KLRG1: variants seen among roughly 807,000 people sequenced by gnomAD.
The protein encoded by KLRG1 is killer cell lectin-like receptor subfamily G member 1.
In KLRG1, 16 loss-of-function variants were observed where a neutral mutation model predicts 21.8. The observed-to-expected ratio is 0.73, with a 90% CI of 0.50 to 1.11. The LOEUF is 1.11. Among genes scored for constraint, KLRG1 ranks in the 50% most tolerant of loss-of-function variants. KLRG1 has a pLI of 0.00. For missense variants in KLRG1, 173 were observed against 218.3 expected (o/e 0.79, Z 1.31); for synonymous variants, 69 against 75.9 (o/e 0.91, Z 0.47).
At chr12:8,993,455 A>G (rs189511436) in intron 2 of KLRG1, among the ~76,000 whole-genome samples, 5 of 151,726 alleles carry the variant, frequency 3.3e-5, no homozygotes, top group African/African-American at 1.2e-4. Flanking sequence ...CGCCCAGCTA[A>G]TTTTTTGTAT....
At chr12:9,149,724 A>G in the KLRG1 span, 10 of 775,402 alleles carry the variant, frequency 1.3e-5, no homozygotes, top group East Asian at 1.8e-4. Context: ...TCAAAACTTC[A>G]TGTAAATAGA....
the KLRG1 span, chr12:9,196,697 A>G: frequency 1.3e-6 from 2 of 1,549,484 alleles, no homozygotes; most frequent in Non-Finnish European, 1.8e-6. Flanking sequence ...TGAGAAAAAT[A>G]CCAAAACCAA....
the KLRG1 span, chr12:9,091,084 A>T: frequency 7.9e-7 from 1 of 1,272,816 alleles, no homozygotes; most frequent in Non-Finnish European, 1.1e-6. Context: ...TAACTTTTAC[A>T]ATCATGAATA....
chr12:9,087,823 G>T, the KLRG1 span, among the ~76,000 whole-genome samples: 1 of 151,976 alleles, frequency 6.6e-6, no homozygotes, highest in Non-Finnish European at 1.5e-5. Context: ...ACAAAACTAT[G>T]CATATCTATG....
At chr12:9,030,272 T>G in the KLRG1 span, among the ~76,000 whole-genome samples, 1 of 152,180 alleles carries the variant, frequency 6.6e-6, no homozygotes, top group African/African-American at 2.4e-5. Flanking sequence ...AGCTATTTTT[T>G]GGGTATTGTT....
chr12:9,192,665 A>G, the KLRG1 span: 1 of 1,614,094 alleles, frequency 6.2e-7, no homozygotes, highest in Non-Finnish European at 8.5e-7. Context: ...CACGATTTGC[A>G]GTGTGCTGAG....
At chr12:9,196,235 C>A in the KLRG1 span, 1 of 768,488 alleles carries the variant, frequency 1.3e-6, no homozygotes, top group Non-Finnish European at 2.1e-6. Flanking sequence ...TATTAATTAA[C>A]TGATAACACT....
the KLRG1 span, chr12:9,200,917 C>T: frequency 6.2e-7 from 1 of 1,613,838 alleles, no homozygotes; most frequent in Non-Finnish European, 8.5e-7. Flanking sequence ...TGAAGGGGTG[C>T]TGTATCCTTC....
chr12:8,988,586 GT>G (rs1315403539), upstream of KLRG1, among the ~76,000 whole-genome samples: 3 of 151,208 alleles, frequency 2.0e-5, no homozygotes, highest in Non-Finnish European at 4.4e-5. Flanking sequence ...TTTAACTTTT[GT>G]TTTTTTTAGA....
the KLRG1 span, among the ~76,000 whole-genome samples, chr12:9,094,349 A>ATG: frequency 7.1e-6 from 1 of 140,678 alleles, no homozygotes; most frequent in Non-Finnish European, 1.5e-5. Flanking sequence ...GCATATATAT[A>ATG]TATATATATA....
the KLRG1 span, among the ~76,000 whole-genome samples, chr12:9,082,991 C>A: frequency 6.6e-6 from 1 of 152,204 alleles, no homozygotes; most frequent in African/African-American, 2.4e-5. Flanking sequence ...GAGGAATCGC[C>A]ACATTGACTT....
the KLRG1 span, chr12:9,200,509 A>C: frequency 7.7e-7 from 1 of 1,291,648 alleles, no homozygotes; most frequent in South Asian, 1.3e-5. Context: ...AATACAAATA[A>C]TTTCAGTATG....
the KLRG1 span, among the ~76,000 whole-genome samples, chr12:9,104,729 CT>C: frequency 6.6e-6 from 1 of 152,146 alleles, no homozygotes; most frequent in Admixed American, 6.6e-5. Flanking sequence ...TTTGGAAGTG[CT>C]GTGTATTATT....
At chr12:9,096,110 C>T in the KLRG1 span, among the ~76,000 whole-genome samples, 2 of 152,172 alleles carry the variant, frequency 1.3e-5, no homozygotes, top group South Asian at 2.1e-4. Context: ...AATGAACATC[C>T]GTCTTTCTTT....
the KLRG1 span, chr12:9,208,468 T>TA: frequency 7.0e-4 from 474 of 675,276 alleles, 1 homozygote; most frequent in Non-Finnish European, 1.5e-4. Context: ...GGCCTCTGAA[T>TA]AGAGTTCAGA....
At chr12:9,100,584 C>T in the KLRG1 span, among the ~76,000 whole-genome samples, 4 of 151,874 alleles carry the variant, frequency 2.6e-5, no homozygotes, top group Admixed American at 2.6e-4. Flanking sequence ...TGGCCCACAC[C>T]AATATTTTAA....
chr12:9,097,096 G>A, the KLRG1 span, among the ~76,000 whole-genome samples: 1 of 152,060 alleles, frequency 6.6e-6, no homozygotes, highest in Non-Finnish European at 1.5e-5. Flanking sequence ...ACCCATCAGG[G>A]TTGTTATAAT....
the KLRG1 span, chr12:9,109,841 G>T: frequency 6.4e-7 from 1 of 1,563,882 alleles, no homozygotes; most frequent in Non-Finnish European, 8.6e-7. Context: ...GAAAAATAAT[G>T]CTTGATGACT....
At chr12:9,004,874 T>C in intron 3 of KLRG1, among the ~76,000 whole-genome samples, 1 of 152,212 alleles carries the variant, frequency 6.6e-6, no homozygotes, top group East Asian at 1.9e-4. Context: ...ATTTTATTTA[T>C]TATTTTTAAG....
Sources: gnomAD v4.1 joint callset for allele counts (sites outside exome capture counted in the v4.1 genomes callset) on GRCh38, gnomAD v4.1.1 for gene constraint, MANE v1.5 for transcripts, NCBI Gene and HGNC (gene_info 2026-07-23, HGNC 2026-07-21) for gene names.